Variants in MYT1L observed in about 807,000 individuals in gnomAD.
MYT1L encodes myelin transcription factor 1-like protein.
In MYT1L, 12 loss-of-function variants were observed where a neutral mutation model predicts 126.7. The observed-to-expected ratio is 0.09, with a 90% confidence interval of 0.06 to 0.15. MYT1L has a LOEUF of 0.15. Among genes scored for constraint, MYT1L ranks in the 10% least tolerant of loss-of-function variants. The pLI is 1.00. For missense variants in MYT1L, 979 were observed against 1,585.2 expected (o/e 0.62, Z 6.49); for synonymous variants, 541 against 604.2 (o/e 0.90, Z 1.53).
At chr2:1,833,532 T>G (rs1174975755) in intron 21 of MYT1L, among the ~76,000 whole-genome samples, 1 of 152,198 alleles carries the variant, frequency 6.6e-6, no homozygotes, top group Non-Finnish European at 1.5e-5. Flanking sequence ...GAATTCTCCC[T>G]GACTCCTCCG....
At chr2:2,061,861 T>C (rs77916344) in intron 3 of MYT1L, among the ~76,000 whole-genome samples, 2 of 152,196 alleles carry the variant, frequency 1.3e-5, no homozygotes, top group East Asian at 3.8e-4. Flanking sequence ...TTTAGGGGTA[T>C]AATACCTCTA....
chr2:2,294,819 T>C (rs1483445445), intron 1 of MYT1L, among the ~76,000 whole-genome samples: 1 of 152,228 alleles, frequency 6.6e-6, no homozygotes, highest in Admixed American at 6.5e-5. Context: ...TGCAAAGACT[T>C]GGGCAGGGTA....
At chr2:1,856,241 C>G (rs1051714502) in intron 18 of MYT1L, among the ~76,000 whole-genome samples, 8 of 152,122 alleles carry the variant, frequency 5.3e-5, no homozygotes, top group African/African-American at 1.7e-4. Flanking sequence ...TCTGAGGAAC[C>G]CTTGGACTTG....
At chr2:2,174,502 A>C (rs1438552096) in intron 2 of MYT1L, among the ~76,000 whole-genome samples, 1 of 152,216 alleles carries the variant, frequency 6.6e-6, no homozygotes, top group Non-Finnish European at 1.5e-5. Flanking sequence ...CTGACCATTA[A>C]TGCTCACAAT....
chr2:1,947,285 T>C (rs1006000494), intron 8 of MYT1L, among the ~76,000 whole-genome samples: 1 of 152,202 alleles, frequency 6.6e-6, no homozygotes, highest in African/African-American at 2.4e-5. Flanking sequence ...GCTCACTTGT[T>C]GTTCAGACTG....
At chr2:2,306,398 G>T (rs1344020352) in intron 1 of MYT1L, among the ~76,000 whole-genome samples, 1 of 152,166 alleles carries the variant, frequency 6.6e-6, no homozygotes, top group Non-Finnish European at 1.5e-5. Context: ...GTAAAATGCT[G>T]TGTGTAGAAT....
intron 4 of MYT1L, among the ~76,000 whole-genome samples, chr2:2,019,893 T>A (rs2064855486): frequency 6.6e-6 from 1 of 152,204 alleles, no homozygotes; most frequent in South Asian, 2.1e-4. Flanking sequence ...TCACCCAGGC[T>A]GGAGTGCAGT....
At chr2:1,799,522 G>A (rs1002672373) in intron 23 of MYT1L, among the ~76,000 whole-genome samples, 1 of 152,212 alleles carries the variant, frequency 6.6e-6, no homozygotes, top group Non-Finnish European at 1.5e-5. Flanking sequence ...ACTGCAGAAG[G>A]AGGGGTTTTG....
In MYT1L at chr2:1,943,115, GTCC is replaced by G; in HGVS notation, c.369_371del (p.Glu123del). 2 of 1,461,676 alleles carry G rather than the reference GTCC, an allele frequency of 1.4e-6. No homozygotes were observed. Among genetic ancestry groups the G allele is most frequent in the Non-Finnish European group, 1.9e-6 (2 of 1,073,426 alleles). 90.5% of individuals were successfully genotyped at this position (1,461,676 alleles called of 1,614,324 possible). A position where few individuals can be genotyped will look rare whatever the true frequency, so the allele number is the denominator to read the frequency against. ...CCTCCTCCTCCCGGTCCCCCTCCTC[GTCC>G]TCCTCGTCCTCATCCCCTGGCTCAT... On this transcript the variant is annotated inframe_deletion, in exon 9 of 25. Transcript: ENST00000647738. The surrounding 1 kb of genome is among the most constrained non-coding windows in gnomAD (Gnocchi z 4.4).
intron 3 of MYT1L, among the ~76,000 whole-genome samples, chr2:2,114,142 G>C (rs1175680916): frequency 6.6e-6 from 1 of 152,266 alleles, no homozygotes; most frequent in Non-Finnish European, 1.5e-5. Context: ...CTGGAGCTCA[G>C]AGTAATACGC....
chr2:2,158,183 G>A (rs918148486), intron 3 of MYT1L, among the ~76,000 whole-genome samples: 4 of 151,970 alleles, frequency 2.6e-5, no homozygotes, highest in Non-Finnish European at 5.9e-5. Flanking sequence ...TGTAGCAAGT[G>A]GGTTCTGAAG....
chr2:2,154,122 C>T lies in MYT1L; in HGVS notation c.-304+18750G>A, dbSNP rs141077934. Among the ~76,000 whole-genome samples, 181 of 152,246 alleles carry T rather than the reference C, an allele frequency of 1.2e-3. 1 individual carries two copies. The highest frequency in any genetic ancestry group is 3.5e-3 in the African/African-American group (147 of 41,536). On this transcript the variant is annotated intron_variant, in intron 3 of 24. Coordinates refer to ENST00000647738, the MANE Select transcript of MYT1L (RefSeq NM_001303052.2). ...GCGTTTTGAAGATTGGTGACACTTC[C>T]GCCTGAGGTTTACGTCCCTGTTCTC...
chr2:2,283,722 A>C (rs2095481084), intron 2 of MYT1L, among the ~76,000 whole-genome samples: 1 of 152,190 alleles, frequency 6.6e-6, no homozygotes, highest in Non-Finnish European at 1.5e-5. Context: ...TGCAGCTGAA[A>C]ATTTACACAG....
At chr2:2,287,467 A>T (rs1457090030) in intron 1 of MYT1L, among the ~76,000 whole-genome samples, 1 of 152,214 alleles carries the variant, frequency 6.6e-6, no homozygotes, top group Non-Finnish European at 1.5e-5. Flanking sequence ...ACTCAAAAGT[A>T]AGTGATTTAC....
chr2:2,302,957 G>C (rs2095805798), intron 1 of MYT1L, among the ~76,000 whole-genome samples: 1 of 152,064 alleles, frequency 6.6e-6, no homozygotes, highest in Non-Finnish European at 1.5e-5. Flanking sequence ...ATAAATACAT[G>C]TATTTATTTT....
At chr2:2,167,114 G>A (rs2089272187) in intron 3 of MYT1L, among the ~76,000 whole-genome samples, 1 of 152,114 alleles carries the variant, frequency 6.6e-6, no homozygotes, top group African/African-American at 2.4e-5. Flanking sequence ...GGGTTTAAAG[G>A]GCTGGTGCTT....
intron 3 of MYT1L, among the ~76,000 whole-genome samples, chr2:2,145,930 T>A (rs906729318): frequency 6.6e-6 from 1 of 152,192 alleles, no homozygotes; most frequent in African/African-American, 2.4e-5. Context: ...AGGACTTCTA[T>A]CCTTTCTGCT....
rs1219216849 is a variant in MYT1L at position 1,979,754 on chromosome 2, C to T, written c.24G>A (p.Lys8=). 2 of 1,613,906 alleles carry T rather than the reference C, an allele frequency of 1.2e-6. No homozygotes were observed. The highest frequency in any genetic ancestry group is 1.7e-5 in the Admixed American group (1 of 60,008). MEVDTEE[K]RHRTRSKGVR... ...CCCCTTTGGACCGCGTGCGATGCCGCTTCTCCTCGGTGTCCACCTCCATCT... is the reference window on the plus strand; with the variant it reads ...CCCCTTTGGACCGCGTGCGATGCCGTTTCTCCTCGGTGTCCACCTCCATCT... The change falls in exon 6 of 25, where the codon AAG becomes AAA. Residue 8 remains lysine, a synonymous_variant. Coordinates refer to ENST00000647738, the MANE Select transcript of MYT1L (RefSeq NM_001303052.2). This position sits in a 1 kb window ranked among gnomAD's most constrained non-coding sequence, Gnocchi z 4.0.
At position 1,910,173 on chromosome 2, in the gene MYT1L, C is replaced by T; in HGVS notation, c.1817+67G>A. 1 of 1,435,850 alleles carries T rather than the reference C, an allele frequency of 7.0e-7. No homozygotes were observed. Among genetic ancestry groups the T allele is most frequent in the Admixed American group, 1.7e-5 (1 of 57,472 alleles). The allele number at this position is 1,435,850 out of a possible 1,614,324, so 88.9% of individuals were successfully genotyped here. ...TAGGGACATGCCCTGAGCGGGTGTC[C>T]CCAGCGCTCCGAGGTGTGGGGCAGA... On this transcript the variant is annotated intron_variant, in intron 13 of 24. Coordinates refer to ENST00000647738, the MANE Select transcript of MYT1L (RefSeq NM_001303052.2). The surrounding 1 kb of genome is among the most constrained non-coding windows in gnomAD (Gnocchi z 4.8).
Sources: allele counts gnomAD v4.1 joint callset (sites outside exome capture counted in the v4.1 genomes callset), GRCh38; gene constraint gnomAD v4.1.1; non-coding constraint Gnocchi (gnomAD v3.1); transcripts MANE v1.5; gene names NCBI Gene and HGNC (gene_info 2026-07-23, HGNC 2026-07-21).